PPP4R4: variants seen among roughly 807,000 people sequenced by gnomAD.
The protein encoded by PPP4R4 is protein phosphatase 4 regulatory subunit 4.
Under a neutral mutation model 121.8 loss-of-function variants are expected in PPP4R4, and 70 were observed. The observed-to-expected ratio is 0.57, with a 90% confidence interval of 0.47 to 0.70. PPP4R4 has a LOEUF of 0.70. PPP4R4 is among the 30% of genes least tolerant of loss of function. The pLI is 0.00. For synonymous variants in PPP4R4, 348 were observed against 355.7 expected (o/e 0.98, Z 0.24); for missense variants, 875 against 1,033.6 (o/e 0.85, Z 2.10).
intron 20 of PPP4R4, 93 bp from the exon 21 acceptor site, chr14:94,265,294 A>C (rs1337314789): frequency 5.9e-6 from 5 of 852,428 alleles, no homozygotes; most frequent in Non-Finnish European, 9.6e-6. Context: ...AGCTAGGGAT[A>C]GTGATTCATA....
intron 2 of PPP4R4, among the ~76,000 whole-genome samples, chr14:94,177,073 T>TA (rs397955325): frequency 2.7e-3 from 391 of 146,164 alleles, no homozygotes; most frequent in African/African-American, 7.7e-3. Flanking sequence ...AATGATTCTG[T>TA]AAAAAAAAAA....
At chr14:94,256,005 T>A (rs916351358) in intron 16 of PPP4R4, among the ~76,000 whole-genome samples, 15 of 152,228 alleles carry the variant, frequency 9.9e-5, no homozygotes, top group African/African-American at 2.9e-4. Context: ...GCTGTGATGC[T>A]CTTTTCCAGA....
At chr14:94,244,520 A>G in intron 11 of PPP4R4, 115 bp from the exon 12 acceptor site, 1 of 854,246 alleles carries the variant, frequency 1.2e-6, no homozygotes, top group Non-Finnish European at 1.7e-6. Flanking sequence ...TTGTGTTATA[A>G]CATGGCTTTA....
chr14:94,178,464 G>A (rs1449208715), intron 2 of PPP4R4, among the ~76,000 whole-genome samples: 1 of 151,254 alleles, frequency 6.6e-6, no homozygotes, highest in Non-Finnish European at 1.5e-5. Context: ...TTCAAAGTCA[G>A]ATGTGTAAGC....
intron 11 of PPP4R4, among the ~76,000 whole-genome samples, chr14:94,243,686 G>A (rs1355855076): frequency 6.6e-6 from 1 of 152,030 alleles, no homozygotes; most frequent in Non-Finnish European, 1.5e-5. Context: ...TATTTGCTGG[G>A]TGGCTAGTTT....
intron 17 of PPP4R4, 151 bp from the exon 18 acceptor site, chr14:94,258,632 G>A: frequency 1.6e-6 from 1 of 634,984 alleles, no homozygotes; most frequent in South Asian, 1.9e-5. Flanking sequence ...GTACAATGTA[G>A]AATTGGGCAG....
intron 2 of PPP4R4, among the ~76,000 whole-genome samples, chr14:94,187,954 A>T (rs1322789143): frequency 6.6e-6 from 1 of 152,196 alleles, no homozygotes; most frequent in African/African-American, 2.4e-5. Context: ...AATTTAGGTC[A>T]TTCAGTTAAG....
chr14:94,207,800 GTT>G (rs990936056), intron 2 of PPP4R4, among the ~76,000 whole-genome samples: 1 of 151,294 alleles, frequency 6.6e-6, no homozygotes, highest in Non-Finnish European at 1.5e-5. Context: ...TGTGGAAATG[GTT>G]TTTTTGGGAA....
At chr14:94,234,942 A>C (rs1285791735) in intron 7 of PPP4R4, among the ~76,000 whole-genome samples, 4 of 152,204 alleles carry the variant, frequency 2.6e-5, no homozygotes, top group African/African-American at 9.7e-5. Flanking sequence ...TTGACTGGCT[A>C]TTCTTTGACT....
At chr14:94,246,290 G>T in intron 13 of PPP4R4, 67 bp from the exon 14 acceptor site, 1 of 1,377,444 alleles carries the variant, frequency 7.3e-7, no homozygotes, top group East Asian at 2.4e-5. Flanking sequence ...TGTGTTATAA[G>T]ACTGAGTAAT....
At chr14:94,254,809 C>A (rs1893381706) in intron 16 of PPP4R4, among the ~76,000 whole-genome samples, 2 of 152,038 alleles carry the variant, frequency 1.3e-5, no homozygotes, top group South Asian at 4.1e-4. Flanking sequence ...CTCTGAAATG[C>A]CTCCTCCTGG....
chr14:94,237,301 ACT>A (rs1354296039), intron 7 of PPP4R4, among the ~76,000 whole-genome samples: 3 of 152,126 alleles, frequency 2.0e-5, no homozygotes, highest in Non-Finnish European at 2.9e-5. Context: ...TTTGATATAA[ACT>A]CTTAGTTATT....
intron 14 of PPP4R4, among the ~76,000 whole-genome samples, chr14:94,248,915 G>A (rs1255968625): frequency 2.0e-5 from 3 of 151,994 alleles, no homozygotes; most frequent in Non-Finnish European, 4.4e-5. Flanking sequence ...AATGCACTTT[G>A]TTTTTAATGT....
chr14:94,190,757 G>T (rs1315975958), intron 2 of PPP4R4, among the ~76,000 whole-genome samples: 4 of 152,020 alleles, frequency 2.6e-5, no homozygotes, highest in African/African-American at 9.7e-5. Flanking sequence ...AGTTATTCCT[G>T]AACTAATGTT....
rs397820930 is a variant in PPP4R4, at chr14:94,229,703, T to TTG, written c.295-884_295-883insTG. Among the ~76,000 whole-genome samples the TTG allele has an allele frequency of 3.0e-4, 11 of 36,696 alleles. No individual in the cohort carries two copies. In the African/African-American group the frequency reaches 7.1e-3, roughly 24 times the overall value. 24.1% of individuals were successfully genotyped at this position (36,696 alleles called of 152,430 possible). On this transcript the variant is annotated intron_variant, in intron 3 of 24. Transcript: ENST00000304338. ...ATTCCTAAGATCACTGATATGAAAC[T>TTG]ATTTTATGACTAAGTTCCAGGTTGT... is the stretch of plus-strand genomic sequence containing the variant.
intron 2 of PPP4R4, among the ~76,000 whole-genome samples, chr14:94,197,962 A>T (rs1490577230): frequency 6.6e-6 from 1 of 152,182 alleles, no homozygotes; most frequent in Non-Finnish European, 1.5e-5. Context: ...GAACATCTGG[A>T]TTGTTTTATG....
At chr14:94,265,538 A>G in intron 21 of PPP4R4, 65 bp downstream of exon 21, 1 of 1,374,780 alleles carries the variant, frequency 7.3e-7, no homozygotes, top group Non-Finnish European at 1.0e-6. Flanking sequence ...ATTGCTGGGA[A>G]AGTCACTCTA....
intron 2 of PPP4R4, among the ~76,000 whole-genome samples, chr14:94,199,011 C>A (rs930591136): frequency 5.3e-5 from 8 of 152,130 alleles, no homozygotes; most frequent in African/African-American, 1.7e-4. Flanking sequence ...TATTCTATAT[C>A]CTTTGCATTT....
At chr14:94,217,687 A>G (rs942295313) in intron 3 of PPP4R4, among the ~76,000 whole-genome samples, 4 of 152,210 alleles carry the variant, frequency 2.6e-5, no homozygotes, top group Non-Finnish European at 5.9e-5. Flanking sequence ...GATCTATAAA[A>G]TAATCAAATG....
Sources: allele counts gnomAD v4.1 joint callset (sites outside exome capture counted in the v4.1 genomes callset), GRCh38; gene constraint gnomAD v4.1.1; transcripts MANE v1.5; gene names NCBI Gene and HGNC (gene_info 2026-07-23, HGNC 2026-07-21).